Variants in SPTLC1 observed in about 807,000 individuals in gnomAD.
The protein encoded by SPTLC1 is serine palmitoyltransferase 1.
A neutral mutation model predicts 68.9 loss-of-function variants in SPTLC1; 55 were observed. The ratio of observed to expected loss-of-function variants is 0.80; its 90% CI spans 0.64 to 1.00. SPTLC1 has a LOEUF of 1.00. Ranked by LOEUF, SPTLC1 falls within the 50% of genes least tolerant of loss-of-function variation. The pLI is 0.00. For missense variants in SPTLC1, 449 were observed against 573.1 expected (o/e 0.78, Z 2.21); for synonymous variants, 197 against 201.6 (o/e 0.98, Z 0.19).
At chr9:92,041,158 A>G (rs911389239) in intron 12 of SPTLC1, among the ~76,000 whole-genome samples, 2 of 152,178 alleles carry the variant, frequency 1.3e-5, no homozygotes, top group Non-Finnish European at 2.9e-5. Flanking sequence ...TACAATGAAA[A>G]CAGAGGCAAA....
chr9:92,105,656 G>A (rs531908131), intron 3 of SPTLC1, among the ~76,000 whole-genome samples: 14 of 151,258 alleles, frequency 9.3e-5, no homozygotes, highest in Admixed American at 6.6e-4. Context: ...CACCGTCTGG[G>A]CAGTGAGGAG....
At chr9:92,037,699 A>G (rs1431366047) in intron 13 of SPTLC1, among the ~76,000 whole-genome samples, 3 of 152,202 alleles carry the variant, frequency 2.0e-5, no homozygotes. Context: ...GTAGTAAAAT[A>G]ACTTTTGGAA....
intron 6 of SPTLC1, among the ~76,000 whole-genome samples, chr9:92,064,562 A>G (rs1834216880): frequency 6.6e-6 from 1 of 152,268 alleles, no homozygotes; most frequent in African/African-American, 2.4e-5. Context: ...AGTTCCTTTA[A>G]AAACTATGCA....
In SPTLC1 at chr9:92,040,966, G is replaced by A. The variant is rs549360715; in HGVS notation, c.1137-2601C>T. On this transcript the variant is annotated intron_variant, in intron 12 of 14. Coordinates refer to ENST00000262554, the MANE Select transcript of SPTLC1 (RefSeq NM_006415.4). ...GTTATAGCTTGAGTTCAGCGAAGCC[G>A]TGTTTCAGAGTCTATTATACTATTC... Among the ~76,000 whole-genome samples, 9 of 152,236 alleles carry A rather than the reference G, an allele frequency of 5.9e-5. No homozygotes were observed. In the South Asian group the frequency reaches 1.5e-3, roughly 25 times the overall value.
At chr9:92,088,153 C>T (rs1801172384) in intron 3 of SPTLC1, among the ~76,000 whole-genome samples, 1 of 152,208 alleles carries the variant, frequency 6.6e-6, no homozygotes, top group Non-Finnish European at 1.5e-5. Flanking sequence ...GTCTGTCACC[C>T]CTTTCTTTGA....
At chr9:92,088,670 A>G (rs890643614) in intron 3 of SPTLC1, among the ~76,000 whole-genome samples, 4 of 152,266 alleles carry the variant, frequency 2.6e-5, no homozygotes, top group Non-Finnish European at 4.4e-5. Flanking sequence ...ATTAAGAACA[A>G]GTATATCCAA....
chr9:92,090,618 C>CA (rs139034667), intron 3 of SPTLC1, among the ~76,000 whole-genome samples: 60 of 131,866 alleles, frequency 4.6e-4, no homozygotes, highest in African/African-American at 2.0e-3. Context: ...TCTCAAAAAA[C>CA]AAACAAAAAA....
Position 92,056,793 on chromosome 9 carries a change from T to TA in SPTLC1, c.691-1300dup, listed in dbSNP as rs143875368. Among the ~76,000 whole-genome samples the TA allele has an allele frequency of 8.0e-3, 1,202 of 151,090 alleles. 21 individuals are homozygous for TA. Among genetic ancestry groups the TA allele is most frequent in the African/African-American group, 0.028 (1,137 of 41,066 alleles). On this transcript the variant is annotated intron_variant, in intron 7 of 14. Coordinates refer to ENST00000262554, the MANE Select transcript of SPTLC1 (RefSeq NM_006415.4). ...ATTTTACAACCCACAGCAGTAGCAC[T>TA]AAAAAAAAAGTTTGTTGAGGAATAA...
chr9:92,047,082 TG>T, intron 11 of SPTLC1, 89 bp downstream of exon 11: 1 of 1,143,092 alleles, frequency 8.7e-7, no homozygotes, highest in Non-Finnish European at 1.3e-6. Flanking sequence ...CAGTTTTGTC[TG>T]GCAAATAATT....
chr9:92,055,221 T>C (rs1264928310), intron 8 of SPTLC1, 184 bp downstream of exon 8: 4 of 985,310 alleles, frequency 4.1e-6, no homozygotes, highest in Non-Finnish European at 4.8e-6. Flanking sequence ...GCAGTCTTGA[T>C]TACTCTTTGA....
chr9:92,100,726 C>T (rs1835715865), intron 3 of SPTLC1, among the ~76,000 whole-genome samples: 1 of 151,988 alleles, frequency 6.6e-6, no homozygotes. Flanking sequence ...CCTGACACCG[C>T]CGCCTTCTCC....
Position 92,069,324 on chromosome 9 carries a change from C to T in SPTLC1, c.428-1226G>A, listed in dbSNP as rs1834400735. On this transcript the variant is annotated intron_variant, in intron 5 of 14. Coordinates refer to ENST00000262554, the MANE Select transcript of SPTLC1 (RefSeq NM_006415.4). ...TAGTGATAAAATATGAGGCATGCTTCTTCCTATTTGTACGTTAACACAGTC... is the reference window on the plus strand; with the variant it reads ...TAGTGATAAAATATGAGGCATGCTTTTTCCTATTTGTACGTTAACACAGTC... Among the ~76,000 whole-genome samples, 4 of 152,184 alleles carry T rather than the reference C, an allele frequency of 2.6e-5. No individual in the cohort carries two copies. In the South Asian group the frequency reaches 8.3e-4, roughly 32 times the overall value.
chr9:92,049,905 T>C (rs1231275038), intron 9 of SPTLC1, 55 bp downstream of exon 9: 6 of 1,134,352 alleles, frequency 5.3e-6, no homozygotes, highest in African/African-American at 1.5e-5. Context: ...CCTAGCAGAA[T>C]GGAACTACAT....
intron 5 of SPTLC1, chr9:92,079,325 C>G (rs868241217): frequency 2.4e-6 from 3 of 1,266,568 alleles, no homozygotes; most frequent in Non-Finnish European, 3.1e-6. Flanking sequence ...ATCTGCCTGC[C>G]TCAGCCTTTG....
Position 92,080,970 on chromosome 9 carries a change from A to AGC in SPTLC1, c.261-8_261-7insGC. The stretch of plus-strand genomic sequence containing the variant: ...AGTTTTGTGGCTTGGAGGGCTAGGG[A>AGC]AGAGATAGAGTGGTACATGTCAATT... On this transcript the variant is annotated splice_region_variant and splice_polypyrimidine_tract_variant and intron_variant, in intron 3 of 14. Transcript: ENST00000262554. 1 of 1,607,402 alleles carries AGC rather than the reference A, an allele frequency of 6.2e-7. No homozygotes were observed. The highest frequency in any genetic ancestry group is 1.3e-5 in the African/African-American group (1 of 74,832).
chr9:92,107,554 C>A (rs1010427597), intron 3 of SPTLC1, among the ~76,000 whole-genome samples: 2 of 152,170 alleles, frequency 1.3e-5, no homozygotes, highest in Non-Finnish European at 2.9e-5. Context: ...AAATCGAGAC[C>A]ATCCTGGCTA....
At chr9:92,083,840 C>G (rs1163164497) in intron 3 of SPTLC1, among the ~76,000 whole-genome samples, 1 of 152,148 alleles carries the variant, frequency 6.6e-6, no homozygotes, top group Admixed American at 6.5e-5. Context: ...GAAGTATGGC[C>G]ATTTTCACAA....
At chr9:92,092,202 T>A (rs1274103294) in intron 3 of SPTLC1, among the ~76,000 whole-genome samples, 1 of 152,184 alleles carries the variant, frequency 6.6e-6, no homozygotes, top group Admixed American at 6.5e-5. Flanking sequence ...TAAATTTTTG[T>A]GATAAAGCCG....
chr9:92,059,053 C>A (rs1291852446), intron 7 of SPTLC1, 126 bp downstream of exon 7: 5 of 1,121,724 alleles, frequency 4.5e-6, no homozygotes, highest in Non-Finnish European at 5.1e-6. Flanking sequence ...ATTTAATAAG[C>A]AGGAACACCT....
Sources: allele counts gnomAD v4.1 joint callset (sites outside exome capture counted in the v4.1 genomes callset), GRCh38; gene constraint gnomAD v4.1.1; transcripts MANE v1.5; gene names NCBI Gene and HGNC (gene_info 2026-07-23, HGNC 2026-07-21).